SDK1: variants seen among roughly 807,000 people sequenced by gnomAD.
SDK1 encodes sidekick cell adhesion molecule 1.
A neutral mutation model predicts 245.5 loss-of-function variants in SDK1; 157 were observed. That is an observed-to-expected ratio of 0.64 (90% CI 0.56 to 0.73). The LOEUF is 0.73. SDK1 is among the 30% of genes least tolerant of loss of function. SDK1 has a pLI of 0.00. For synonymous variants in SDK1, 1,647 were observed against 1,278.5 expected (o/e 1.29, Z -6.15); for missense variants, 3,583 against 3,002.3 (o/e 1.19, Z -4.52).
intron 4 of SDK1, among the ~76,000 whole-genome samples, chr7:3,685,697 A>T (rs1468211811): frequency 6.6e-6 from 1 of 152,198 alleles, no homozygotes; most frequent in Non-Finnish European, 1.5e-5. Flanking sequence ...AATGGAAGTA[A>T]GGTTTCTACA....
chr7:3,435,035 A>G (rs1459443646), intron 1 of SDK1, among the ~76,000 whole-genome samples: 1 of 152,172 alleles, frequency 6.6e-6, no homozygotes, highest in Non-Finnish European at 1.5e-5. Flanking sequence ...TAAGATACAA[A>G]GTTATATCCC....
At chr7:4,093,828 T>G (rs1019067160) in intron 22 of SDK1, among the ~76,000 whole-genome samples, 3 of 152,314 alleles carry the variant, frequency 2.0e-5, no homozygotes, top group Non-Finnish European at 4.4e-5. Flanking sequence ...TTTTGCTGTT[T>G]GCTGAGGCAC....
At chr7:3,311,211 A>G (rs1779541863) in intron 1 of SDK1, among the ~76,000 whole-genome samples, 1 of 152,030 alleles carries the variant, frequency 6.6e-6, no homozygotes, top group South Asian at 2.1e-4. Context: ...AGTGATGGAG[A>G]TGAGTTAGGG....
chr7:3,865,934 T>G (rs1442883720), intron 5 of SDK1, among the ~76,000 whole-genome samples: 1 of 152,062 alleles, frequency 6.6e-6, no homozygotes, highest in East Asian at 1.9e-4. Flanking sequence ...ATAAACACAC[T>G]TAAAGTGTGT....
chr7:4,222,583 C>T lies in SDK1; in HGVS notation c.5827+1219C>T, dbSNP rs574488219. 3.5e-4 allele frequency among the ~76,000 whole-genome samples: 53 copies of T among 152,346 alleles called. 1 individual carries two copies. The South Asian group carries it at 6.8e-3, about 20-fold the overall frequency. On this transcript the variant is annotated intron_variant, in intron 40 of 44. Transcript: ENST00000404826. The stretch of plus-strand genomic sequence containing the variant: ...GTGACAGGATTACAGGCCTGAGCCA[C>T]GGTGCCCAGCCGCCTTCTAGAAACT...
At chr7:3,847,388 T>A (rs565348388) in intron 5 of SDK1, among the ~76,000 whole-genome samples, 13 of 152,356 alleles carry the variant, frequency 8.5e-5, no homozygotes, top group Admixed American at 7.8e-4. Flanking sequence ...CTGATTCTAT[T>A]TCTAAAAATA....
intron 20 of SDK1, among the ~76,000 whole-genome samples, chr7:4,074,973 G>T (rs1025552229): frequency 1.4e-5 from 2 of 145,106 alleles, no homozygotes; most frequent in African/African-American, 5.2e-5. Context: ...AAAATGAGTG[G>T]TTGGCCTGGG....
At chr7:3,626,622 A>G (rs1378159833) in intron 2 of SDK1, among the ~76,000 whole-genome samples, 1 of 152,184 alleles carries the variant, frequency 6.6e-6, no homozygotes, top group Non-Finnish European at 1.5e-5. Flanking sequence ...GTACTAAGAG[A>G]TACCCCATTG....
chr7:4,129,712 G>A (rs560141433), intron 26 of SDK1, 196 bp from the exon 27 acceptor site: 47 of 1,417,534 alleles, frequency 3.3e-5, no homozygotes, highest in African/African-American at 2.2e-4. Flanking sequence ...CCCCTGGAGC[G>A]CAGTCACTTT....
chr7:3,562,955 T>C (rs1289440840), intron 1 of SDK1, among the ~76,000 whole-genome samples: 1 of 151,276 alleles, frequency 6.6e-6, no homozygotes, highest in Admixed American at 6.6e-5. Context: ...CTGGCAAAGT[T>C]CATTGATGTC....
chr7:3,548,523 A>G (rs1028407860), intron 1 of SDK1, among the ~76,000 whole-genome samples: 4 of 152,208 alleles, frequency 2.6e-5, no homozygotes, highest in African/African-American at 4.8e-5. Context: ...TGTCGTAAAC[A>G]ATGCTGAGAT....
intron 1 of SDK1, among the ~76,000 whole-genome samples, chr7:3,564,745 T>G (rs1252373561): frequency 1.3e-5 from 2 of 152,100 alleles, no homozygotes; most frequent in Non-Finnish European, 2.9e-5. Context: ...AGAAAGCACC[T>G]GAGAGAATTT....
At position 4,175,847 on chromosome 7, in the gene SDK1, T is replaced by C. The variant is rs1389395583; in HGVS notation, c.4996+13T>C. The C allele has an allele frequency of 5.0e-6, 8 of 1,610,910 alleles. No individual in the cohort carries two copies. In the African/African-American group the frequency reaches 1.1e-4, roughly 21 times the overall value. On this transcript the variant is annotated intron_variant, in intron 34 of 44. Transcript: ENST00000404826. ...TGTGAACTAACACGTAAGTGCGCTC[T>C]CAGCGGGAGGCCCATGCCGCGAGGC... is the stretch of plus-strand genomic sequence containing the variant.
rs533884835 is a variant in SDK1 at position 4,056,998 on chromosome 7, A to C, written c.2911+5168A>C. 3.1e-3 allele frequency among the ~76,000 whole-genome samples: 478 copies of C among 152,194 alleles called. 3 individuals are homozygous for C. Among genetic ancestry groups the C allele is most frequent in the African/African-American group, 0.011 (463 of 41,536 alleles). On this transcript the variant is annotated intron_variant, in intron 19 of 44. Transcript: ENST00000404826. ...GGCAAAGCACAAACCATTGGCAGTG[A>C]CCCCCAGTGGTGGGGCTGCTGGGCA... is the stretch of plus-strand genomic sequence containing the variant.
chr7:3,430,281 T>G (rs1295766746), intron 1 of SDK1, among the ~76,000 whole-genome samples: 1 of 152,152 alleles, frequency 6.6e-6, no homozygotes, highest in Non-Finnish European at 1.5e-5. Context: ...ATCAATGTTC[T>G]TAATTTTTTT....
At chr7:3,995,351 C>T (rs913786868) in intron 14 of SDK1, among the ~76,000 whole-genome samples, 3 of 152,200 alleles carry the variant, frequency 2.0e-5, no homozygotes, top group African/African-American at 7.2e-5. Flanking sequence ...ACCCCATCTC[C>T]TCCCCTAGGG....
chr7:3,608,600 A>G (rs1468170801), intron 1 of SDK1, among the ~76,000 whole-genome samples: 4 of 152,150 alleles, frequency 2.6e-5, no homozygotes, highest in East Asian at 1.9e-4. Context: ...GTCTGATGAG[A>G]TAGGTAGCTG....
intron 4 of SDK1, among the ~76,000 whole-genome samples, chr7:3,655,121 C>T (rs1287375348): frequency 1.3e-5 from 2 of 149,790 alleles, no homozygotes; most frequent in South Asian, 4.2e-4. Context: ...AATCAAGAGG[C>T]ATTTTAAATG....
At chr7:4,172,437 G>A in intron 32 of SDK1, among the ~76,000 whole-genome samples, 1 of 152,214 alleles carries the variant, frequency 6.6e-6, no homozygotes, top group Non-Finnish European at 1.5e-5. Flanking sequence ...AGCCTGGGGA[G>A]CAAAGAACAC....
Sources: gnomAD v4.1 joint callset for allele counts (sites outside exome capture counted in the v4.1 genomes callset) on GRCh38, gnomAD v4.1.1 for gene constraint, MANE v1.5 for transcripts, NCBI Gene and HGNC (gene_info 2026-07-23, HGNC 2026-07-21) for gene names.